PIP4K2C: variants seen among roughly 807,000 people sequenced by gnomAD.
PIP4K2C encodes phosphatidylinositol 5-phosphate 4-kinase type-2 gamma.
In PIP4K2C, 21 loss-of-function variants were observed where a neutral mutation model predicts 45.0. The ratio of observed to expected loss-of-function variants is 0.47; its 90% CI spans 0.33 to 0.67. The LOEUF (loss-of-function observed/expected upper bound fraction) is 0.67, where lower values mean the gene tolerates loss of function less well. PIP4K2C is among the 30% of genes least tolerant of loss of function. The pLI, the probability that PIP4K2C is intolerant of heterozygous loss-of-function variation, is 0.02. For missense variants in PIP4K2C, 456 were observed against 542.8 expected (o/e 0.84, Z 1.59); for synonymous variants, 201 against 204.8 (o/e 0.98, Z 0.16).
chr12:57,592,037 A>G (rs2140180858), intron 1 of PIP4K2C, among the ~76,000 whole-genome samples: 1 of 152,012 alleles, frequency 6.6e-6, no homozygotes, highest in South Asian at 2.1e-4. Context: ...AAGCTACCCC[A>G]CCCTGAGCTA....
At chr12:57,594,756 G>A (rs1199876417) in intron 2 of PIP4K2C, among the ~76,000 whole-genome samples, 2 of 152,102 alleles carry the variant, frequency 1.3e-5, no homozygotes, top group Non-Finnish European at 2.9e-5. Context: ...GATCACTTGA[G>A]GTCAGGAGTT....
At chr12:57,597,921 A>G (rs1883261160) in intron 4 of PIP4K2C, 1 of 152,106 alleles carries the variant, frequency 6.6e-6, no homozygotes, top group African/African-American at 2.4e-5. Flanking sequence ...TATGGGGGAG[A>G]TTTCAGAGGA....
intron 1 of PIP4K2C, among the ~76,000 whole-genome samples, chr12:57,593,651 A>G (rs1328111876): frequency 8.0e-6 from 1 of 124,426 alleles, no homozygotes; most frequent in Non-Finnish European, 1.7e-5. Flanking sequence ...CTAATGGAAC[A>G]TGTAGCTGCC....
rs571941835 is a variant in PIP4K2C, at chr12:57,591,523, C to T, written c.174+60C>T. On this transcript the variant is annotated intron_variant, in intron 1 of 9. Coordinates refer to ENST00000354947, the MANE Select transcript of PIP4K2C (RefSeq NM_024779.5). The stretch of plus-strand genomic sequence containing the variant: ...CAAACCCCTCGGCTCCGAGGCGTCC[C>T]TGTTTCCAGGCTCCAGCCTCCGGAG... The T allele has an allele frequency of 2.6e-4, 380 of 1,487,572 alleles. No homozygotes were observed. In the African/African-American group the frequency reaches 3.2e-3, roughly 12 times the overall value. The allele number at this position is 1,487,572 out of a possible 1,614,324, so 92.1% of individuals were successfully genotyped here.
At position 57,601,312 on chromosome 12, in the gene PIP4K2C, G is replaced by A. The variant is rs768026666; in HGVS notation, c.1149G>A (p.Lys383=). 5.6e-6 allele frequency: 9 copies of A among 1,613,904 alleles called. No homozygotes were observed. In the East Asian group the frequency reaches 2.0e-4, roughly 36 times the overall value. ...TCCTTACACAGTATGATGCTAAGAA[G>A]AAAGCAGCTCATGCAGCCAAAACTG... is the stretch of plus-strand genomic sequence containing the variant. ...IDILTQYDAK[K]KAAHAAKTVK... The change falls in exon 9 of 10, where the codon AAG becomes AAA. Residue 383 remains lysine, a synonymous_variant. Transcript: ENST00000354947.
In PIP4K2C at chr12:57,602,253, A is replaced by G. The variant is rs903084141; in HGVS notation, c.*647A>G. ...AAGAGGACTCATGATTATGCAGAGAATTGGATTGGGTCTCTGTCATAGATT... is the reference window on the plus strand; with the variant it reads ...AAGAGGACTCATGATTATGCAGAGAGTTGGATTGGGTCTCTGTCATAGATT... On this transcript the variant is annotated 3_prime_UTR_variant, in exon 10 of 10. Coordinates refer to ENST00000354947, the MANE Select transcript of PIP4K2C (RefSeq NM_024779.5). 8 of 153,102 alleles carry G rather than the reference A, an allele frequency of 5.2e-5. No individual in the cohort carries two copies. The highest frequency in any genetic ancestry group is 7.3e-5 in the Non-Finnish European group (5 of 68,666). The allele number at this position is 153,102 out of a possible 1,614,324, so 9.5% of individuals were successfully genotyped here.
In PIP4K2C at chr12:57,599,189, T is replaced by G. The variant is rs928009150; in HGVS notation, c.638T>G (p.Val213Gly). Residue 213 changes from valine to glycine, a missense_variant, in exon 5 of 10, where the codon GTG becomes GGG. Physicochemically the swap from Val to Gly is moderately radical, Grantham distance 109. Transcript: ENST00000354947. ...AATATGTTTAGCCACCGTCTTCCTG[T>G]GCACAGGAAGTATGACCTCAAGGTA... ...MRNMFSHRLPVHRKYDLKGSL... is the reference protein window; with the variant it reads ...MRNMFSHRLPGHRKYDLKGSL... 21 of 1,614,084 alleles carry G rather than the reference T, an allele frequency of 1.3e-5. No individual in the cohort carries two copies. Among genetic ancestry groups the G allele is most frequent in the Non-Finnish European group, 1.7e-5 (20 of 1,180,050 alleles).
chr12:57,595,814 T>C, intron 3 of PIP4K2C, 74 bp from the exon 4 acceptor site: 1 of 1,535,918 alleles, frequency 6.5e-7, no homozygotes, highest in Non-Finnish European at 9.0e-7. Flanking sequence ...CACTTTCAGC[T>C]GACCATTTTC....
intron 6 of PIP4K2C, among the ~76,000 whole-genome samples, chr12:57,599,869 C>T (rs1883350990): frequency 6.6e-6 from 1 of 152,140 alleles, no homozygotes; most frequent in Non-Finnish European, 1.5e-5. Context: ...GCCTGAGCAA[C>T]GTAATCTCTA....
intron 1 of PIP4K2C, among the ~76,000 whole-genome samples, chr12:57,593,758 G>T (rs544496238): frequency 1.8e-4 from 22 of 122,404 alleles, no homozygotes; most frequent in Non-Finnish European, 3.0e-4. Context: ...TACAGGGTTA[G>T]CCTAATATAA....
At chr12:57,591,575 C>T in intron 1 of PIP4K2C, 112 bp downstream of exon 1, 7 of 1,300,468 alleles carry the variant, frequency 5.4e-6, no homozygotes, top group Non-Finnish European at 7.3e-6. Flanking sequence ...TCCCCTCCCC[C>T]GGGTTGTCTT....
At position 57,599,397 on chromosome 12, in the gene PIP4K2C, C is replaced by T. The variant is rs1273934728; in HGVS notation, c.661-3C>T. ...CTGACTTGGTGTTTGGGTCTTTCTG[C>T]AGGGTTCCCTAGTGTCCCGGGAAGC... On this transcript the variant is annotated splice_region_variant and splice_polypyrimidine_tract_variant and intron_variant, in intron 5 of 9. Transcript: ENST00000354947. The T allele has an allele frequency of 1.2e-6, 2 of 1,614,036 alleles. No individual in the cohort carries two copies. Among genetic ancestry groups the T allele is most frequent in the African/African-American group, 2.7e-5 (2 of 74,970 alleles).
At chr12:57,593,428 C>T (rs559301966) in intron 1 of PIP4K2C, among the ~76,000 whole-genome samples, 1 of 145,002 alleles carries the variant, frequency 6.9e-6, no homozygotes, top group South Asian at 2.3e-4. Context: ...CCTGCATTCG[C>T]TCTGAAATCA....
intron 6 of PIP4K2C, 110 bp downstream of exon 6, chr12:57,599,548 C>A (rs779685231): frequency 3.4e-5 from 41 of 1,207,462 alleles, no homozygotes; most frequent in Admixed American, 2.1e-4. Flanking sequence ...GGATTACTAG[C>A]TATTTATTAT....
At chr12:57,593,336 C>T (rs1883043449) in intron 1 of PIP4K2C, among the ~76,000 whole-genome samples, 1 of 152,148 alleles carries the variant, frequency 6.6e-6, no homozygotes, top group Non-Finnish European at 1.5e-5. Flanking sequence ...CCGAGGAGAG[C>T]ATGTGATGCT....
In PIP4K2C at chr12:57,601,226, T is replaced by A. The variant is rs1458724753; in HGVS notation, c.1082-19T>A. 2 of 1,604,940 alleles carry A rather than the reference T, an allele frequency of 1.2e-6. No homozygotes were observed. The highest frequency in any genetic ancestry group is 3.4e-5 in the Admixed American group (2 of 59,346). On this transcript the variant is annotated intron_variant, in intron 8 of 9. Transcript: ENST00000354947. ...GAATTGGAACTAAACCTACTCTGAA[T>A]TGTTGGTCTCTCTCCCAGGAGCCCC...
chr12:57,595,866 C>G (rs778994033), intron 3 of PIP4K2C, 22 bp from the exon 4 acceptor site: 1 of 1,613,204 alleles, frequency 6.2e-7, no homozygotes, highest in Non-Finnish European at 8.5e-7. Context: ...GAAAAGAGCT[C>G]TGGCCTATTC....
chr12:57,594,016 G>T lies in PIP4K2C; in HGVS notation c.175-9G>T, dbSNP rs757920501. 1.4e-5 allele frequency: 23 copies of T among 1,612,064 alleles called. No individual in the cohort carries two copies. Among genetic ancestry groups the T allele is most frequent in the Non-Finnish European group, 1.3e-5 (15 of 1,178,774 alleles). On this transcript the variant is annotated splice_polypyrimidine_tract_variant and intron_variant, in intron 1 of 9. Coordinates refer to ENST00000354947, the MANE Select transcript of PIP4K2C (RefSeq NM_024779.5). ...TCATGGCTTCCCTATTCATGGTTTGGCTTATCAGATCAATGAGCTCAGCCA... is the reference window on the plus strand; with the variant it reads ...TCATGGCTTCCCTATTCATGGTTTGTCTTATCAGATCAATGAGCTCAGCCA...
intron 2 of PIP4K2C, 54 bp from the exon 3 acceptor site, chr12:57,595,072 G>C: frequency 8.9e-7 from 1 of 1,118,088 alleles, no homozygotes; most frequent in Admixed American, 1.7e-5. Flanking sequence ...AAACTACCAA[G>C]TGTATGTAAA....
Sources: gnomAD v4.1 joint callset for allele counts (sites outside exome capture counted in the v4.1 genomes callset) on GRCh38, gnomAD v4.1.1 for gene constraint, MANE v1.5 for transcripts, NCBI Gene and HGNC (gene_info 2026-07-23, HGNC 2026-07-21) for gene names.